The following SPAG16 variants were observed in gnomAD, a reference collection of about 807,000 sequenced individuals.
SPAG16 encodes sperm associated antigen 16.
Under a neutral mutation model 80.4 loss-of-function variants are expected in SPAG16, and 86 were observed. The observed-to-expected ratio is 1.07, with a 90% CI of 0.90 to 1.28. SPAG16 has a LOEUF of 1.28. Ranked by LOEUF, SPAG16 falls within the 50% of genes most tolerant of loss-of-function variation. The pLI is 0.00. For missense variants in SPAG16, 870 were observed against 765.3 expected (o/e 1.14, Z -1.61); for synonymous variants, 294 against 265.9 (o/e 1.11, Z -1.03).
chr2:214,102,623 T>A (rs1021540875), intron 13 of SPAG16, among the ~76,000 whole-genome samples: 4 of 152,050 alleles, frequency 2.6e-5, no homozygotes, highest in Admixed American at 1.3e-4. Context: ...GGGCCAGGCC[T>A]ATGTTGGACT....
intron 9 of SPAG16, among the ~76,000 whole-genome samples, chr2:213,412,944 T>A (rs886079528): frequency 1.3e-5 from 2 of 152,208 alleles, no homozygotes; most frequent in Non-Finnish European, 1.5e-5. Flanking sequence ...AAATTGATAA[T>A]TTTAAAATCT....
chr2:214,389,329 G>A (rs137989619), intron 15 of SPAG16, among the ~76,000 whole-genome samples: 5 of 152,278 alleles, frequency 3.3e-5, no homozygotes, highest in South Asian at 4.1e-4. Flanking sequence ...GCAATCTAAC[G>A]TGTGTGACAG....
chr2:213,413,063 T>G (rs543876146), intron 9 of SPAG16, among the ~76,000 whole-genome samples: 16 of 152,272 alleles, frequency 1.1e-4, no homozygotes, highest in Admixed American at 5.9e-4. Flanking sequence ...ATTAGTATGT[T>G]GATACTATAA....
chr2:214,172,728 G>C (rs529271795), intron 15 of SPAG16, among the ~76,000 whole-genome samples: 15 of 152,110 alleles, frequency 9.9e-5, no homozygotes, highest in African/African-American at 3.6e-4. Context: ...CAGTGTAAAA[G>C]TGTTCCTATT....
At chr2:213,847,651 G>T (rs1461217326) in intron 10 of SPAG16, among the ~76,000 whole-genome samples, 1 of 152,146 alleles carries the variant, frequency 6.6e-6, no homozygotes, top group African/African-American at 2.4e-5. Context: ...TGAGATTTGG[G>T]TGGGGACAAA....
intron 10 of SPAG16, among the ~76,000 whole-genome samples, chr2:213,586,740 A>T (rs1017806861): frequency 6.6e-6 from 1 of 152,212 alleles, no homozygotes; most frequent in Non-Finnish European, 1.5e-5. Flanking sequence ...GTGAAATCAG[A>T]CCTGTTGTGT....
At chr2:213,403,348 T>C (rs2068431542) in intron 9 of SPAG16, among the ~76,000 whole-genome samples, 1 of 152,140 alleles carries the variant, frequency 6.6e-6, no homozygotes, top group South Asian at 2.1e-4. Context: ...GATGAGTAGG[T>C]TGCAAAAATT....
intron 10 of SPAG16, among the ~76,000 whole-genome samples, chr2:213,496,004 A>G (rs992820541): frequency 6.6e-6 from 1 of 152,154 alleles, no homozygotes; most frequent in African/African-American, 2.4e-5. Context: ...TAATCTGAGA[A>G]TGTCAGGAAG....
At chr2:213,795,204 G>GAT (rs2070950486) in intron 10 of SPAG16, among the ~76,000 whole-genome samples, 1 of 152,094 alleles carries the variant, frequency 6.6e-6, no homozygotes, top group Non-Finnish European at 1.5e-5. Context: ...CTAGTAATGA[G>GAT]ATGTTATGTT....
intron 9 of SPAG16, among the ~76,000 whole-genome samples, chr2:213,402,474 G>A (rs10191898): frequency 0.23 from 34,453 of 151,376 alleles, 4,619 homozygotes; most frequent in Non-Finnish European, 0.31. Flanking sequence ...TGTGCACAAC[G>A]TGCAGGTTTG....
rs551481327 is a variant in SPAG16, at chr2:214,132,982, C to T, written c.1594-16158C>T. Among the ~76,000 whole-genome samples, 7 of 152,142 alleles carry T rather than the reference C, an allele frequency of 4.6e-5. No individual in the cohort carries two copies. The East Asian group carries it at 1.4e-3, about 29-fold the overall frequency. ...TGGCAGACGCCTGTAATCCCAGCTA[C>T]TGGGGAGGCTGAGGCAGGAGAATCA... On this transcript the variant is annotated intron_variant, in intron 14 of 15. Coordinates refer to ENST00000331683, the MANE Select transcript of SPAG16 (RefSeq NM_024532.5).
chr2:214,336,579 C>A (rs1559223007), intron 15 of SPAG16, among the ~76,000 whole-genome samples: 1 of 151,966 alleles, frequency 6.6e-6, no homozygotes, highest in Admixed American at 6.5e-5. Flanking sequence ...GCCAGTATTA[C>A]AACTTAAGGC....
intron 9 of SPAG16, among the ~76,000 whole-genome samples, chr2:213,459,715 A>G (rs963693084): frequency 6.6e-6 from 1 of 152,270 alleles, no homozygotes; most frequent in Non-Finnish European, 1.5e-5. Flanking sequence ...TGCAAGGCTC[A>G]TCTGCATGCA....
rs887301573 is a variant in SPAG16 at position 213,826,589 on chromosome 2, T to C, written c.1071-35896T>C. On this transcript the variant is annotated intron_variant, in intron 10 of 15. Coordinates refer to ENST00000331683, the MANE Select transcript of SPAG16 (RefSeq NM_024532.5). ...GTTATTGAATTGTAGTTTTATTCCA[T>C]TGTGTTCAGATAAGATGCTTAATAT... 4.1e-4 allele frequency among the ~76,000 whole-genome samples: 62 copies of C among 152,112 alleles called. 1 individual carries two copies. Among genetic ancestry groups the C allele is most frequent in the African/African-American group, 1.4e-3 (60 of 41,574 alleles).
At chr2:213,434,575 T>C (rs1312092254) in intron 9 of SPAG16, among the ~76,000 whole-genome samples, 1 of 152,162 alleles carries the variant, frequency 6.6e-6, no homozygotes. Context: ...ATGCATCTGA[T>C]AGGGGACTGA....
At chr2:213,454,650 G>A (rs1361303927) in intron 9 of SPAG16, among the ~76,000 whole-genome samples, 1 of 152,160 alleles carries the variant, frequency 6.6e-6, no homozygotes, top group Admixed American at 6.5e-5. Flanking sequence ...ATAATGCTTA[G>A]CAGTGACTTT....
intron 3 of SPAG16, among the ~76,000 whole-genome samples, chr2:213,308,934 A>T (rs187042651): frequency 7.8e-4 from 119 of 152,206 alleles, no homozygotes; most frequent in African/African-American, 2.7e-3. Context: ...TGACATATAC[A>T]CTAAGATCTC....
chr2:213,641,014 CT>C (rs1424813083), intron 10 of SPAG16, among the ~76,000 whole-genome samples: 1 of 152,094 alleles, frequency 6.6e-6, no homozygotes, highest in Non-Finnish European at 1.5e-5. Flanking sequence ...GAGTTTGTGT[CT>C]TTTGTGTTCA....
At chr2:213,929,811 GATA>G (rs2078668227) in intron 11 of SPAG16, 146 bp from the exon 12 acceptor site, 6 of 637,102 alleles carry the variant, frequency 9.4e-6, no homozygotes, top group South Asian at 7.9e-5. Context: ...ACCCAAATAA[GATA>G]ATAATATTTA....
Sources: gnomAD v4.1 joint callset for allele counts (sites outside exome capture counted in the v4.1 genomes callset) on GRCh38, gnomAD v4.1.1 for gene constraint, MANE v1.5 for transcripts, NCBI Gene and HGNC (gene_info 2026-07-23, HGNC 2026-07-21) for gene names.